CDK13: variants seen among roughly 807,000 people sequenced by gnomAD.
CDK13 encodes cyclin-dependent kinase 13.
Under a neutral mutation model 137.6 loss-of-function variants are expected in CDK13, and 40 were observed. That is an observed-to-expected ratio of 0.29 (90% CI 0.23 to 0.38). CDK13 has a LOEUF of 0.38. Among genes scored for constraint, CDK13 ranks in the 10% least tolerant of loss-of-function variants. The pLI, the probability that CDK13 is intolerant of heterozygous loss-of-function variation, is 1.00. For missense variants in CDK13, 1,704 were observed against 1,951.8 expected, an observed-to-expected ratio of 0.87 and a Z score of 2.39; for synonymous variants, 869 against 760.1, an observed-to-expected ratio of 1.14 and a Z score of -2.36.
chr7:40,085,577 A>T (rs1174892920), intron 11 of CDK13: 1 of 152,594 alleles, frequency 6.6e-6, no homozygotes, highest in Non-Finnish European at 1.5e-5. Flanking sequence ...GTATCCCAAC[A>T]GAGACTGAGA....
intron 1 of CDK13, among the ~76,000 whole-genome samples, chr7:39,974,556 C>CTTTTTTT (rs59844316): frequency 2.3e-4 from 31 of 132,936 alleles, no homozygotes; most frequent in African/African-American, 5.3e-4. Flanking sequence ...TTCTTTTTTT[C>CTTTTTTT]TTTTTTTTTT....
At position 39,951,314 on chromosome 7, in the gene CDK13, G is replaced by T; in HGVS notation, c.673G>T (p.Gly225Cys). 1 of 1,400,224 alleles carries T rather than the reference G, an allele frequency of 7.1e-7. No homozygotes were observed. The highest frequency in any genetic ancestry group is 1.6e-5 in the South Asian group (1 of 63,752). The allele number at this position is 1,400,224 out of a possible 1,614,324, so 86.7% of individuals were successfully genotyped here. ...EHRRRDGQRG[G>C]SEASKSRSRH... ...CCGGCGGCGGGATGGGCAGCGCGGT[G>T]GCAGCGAGGCCTCCAAGTCCCGCAG... is the stretch of plus-strand genomic sequence containing the variant. The change falls in exon 1 of 14, where the codon GGC becomes TGC. Residue 225 changes from glycine (G) to cysteine (C), a missense_variant. By Grantham distance (159) the Gly-to-Cys change is radical. This residue lies in a region of CDK13 where 1,051 missense variants were observed against 931.0 expected (regional missense o/e 1.13). Transcript: ENST00000181839.
intron 5 of CDK13, among the ~76,000 whole-genome samples, chr7:40,041,246 A>T (rs1272527708): frequency 6.6e-6 from 1 of 152,150 alleles, no homozygotes; most frequent in Non-Finnish European, 1.5e-5. Flanking sequence ...GAATCACTTG[A>T]ACCCAGGAGG....
chr7:39,964,157 T>G (rs1368842473), intron 1 of CDK13, among the ~76,000 whole-genome samples: 1 of 152,210 alleles, frequency 6.6e-6, no homozygotes, highest in Non-Finnish European at 1.5e-5. Flanking sequence ...GAGGGTTCCC[T>G]CTTTTTCTAT....
chr7:40,062,641 T>C, intron 7 of CDK13, 185 bp from the exon 8 acceptor site: 1 of 584,936 alleles, frequency 1.7e-6, no homozygotes, highest in South Asian at 2.2e-5. Flanking sequence ...GTTAAACAGG[T>C]TGCCCTCACA....
intron 5 of CDK13, among the ~76,000 whole-genome samples, chr7:40,038,445 A>G (rs1455599825): frequency 3.9e-5 from 6 of 152,208 alleles, no homozygotes; most frequent in African/African-American, 9.7e-5. Flanking sequence ...CTATGCATAC[A>G]TCATTTTGTA....
chr7:40,030,272 T>G (rs143661201), intron 5 of CDK13, among the ~76,000 whole-genome samples: 56,100 of 132,406 alleles, frequency 0.42, 12,075 homozygotes, highest in East Asian at 0.57. Flanking sequence ...TATATATATA[T>G]ATAGAGAGAG....
chr7:40,069,951 A>G (rs1786374187), intron 9 of CDK13: 1 of 151,664 alleles, frequency 6.6e-6, no homozygotes, highest in South Asian at 2.1e-4. Context: ...ACAGTGGCTC[A>G]TGCCTGTAAT....
intron 1 of CDK13, among the ~76,000 whole-genome samples, chr7:39,981,292 C>G (rs1008986733): frequency 1.3e-5 from 2 of 151,866 alleles, no homozygotes; most frequent in Non-Finnish European, 2.9e-5. Context: ...ATCACTTGAC[C>G]CCAGAGGTCA....
intron 1 of CDK13, among the ~76,000 whole-genome samples, chr7:39,971,181 G>C (rs968093597): frequency 2.0e-4 from 30 of 152,146 alleles, no homozygotes; most frequent in African/African-American, 7.2e-4. Flanking sequence ...TTGATAGTAG[G>C]TACCTAGCAA....
intron 5 of CDK13, among the ~76,000 whole-genome samples, chr7:40,036,305 A>G (rs1035598945): frequency 6.6e-6 from 1 of 152,184 alleles, no homozygotes; most frequent in African/African-American, 2.4e-5. Context: ...TTTTATTTAC[A>G]TTTTTAAGAG....
chr7:40,002,083 C>A, intron 5 of CDK13, 52 bp downstream of exon 5: 1 of 1,366,164 alleles, frequency 7.3e-7, no homozygotes, highest in Non-Finnish European at 1.0e-6. Flanking sequence ...ATTGATGTTG[C>A]TAACTTGGAA....
At chr7:40,093,303 A>G (rs1391776314) in intron 13 of CDK13, 66 bp downstream of exon 13, 15 of 1,280,810 alleles carry the variant, frequency 1.2e-5, no homozygotes, top group Admixed American at 2.1e-5. Context: ...GTTGCTGACT[A>G]TATATAATGT....
chr7:40,029,497 G>A lies in CDK13; in HGVS notation c.2354-16339G>A, dbSNP rs985673491. On this transcript the variant is annotated intron_variant, in intron 5 of 13. Coordinates refer to ENST00000181839, the MANE Select transcript of CDK13 (RefSeq NM_003718.5). ...AGCACTTTGGGAGGCTGAGGTGGGC[G>A]GATCACAAGGTCAAGAGATTGAGAT... Among the ~76,000 whole-genome samples, 23 of 151,528 alleles carry A rather than the reference G, an allele frequency of 1.5e-4. No homozygotes were observed. In the Middle Eastern group the frequency reaches 0.014, roughly 90 times the overall value.
chr7:40,040,482 T>C (rs1254544016), intron 5 of CDK13, among the ~76,000 whole-genome samples: 2 of 152,226 alleles, frequency 1.3e-5, no homozygotes, highest in Non-Finnish European at 2.9e-5. Flanking sequence ...CTCTTTCAGG[T>C]GTTACTTTGC....
intron 1 of CDK13, among the ~76,000 whole-genome samples, chr7:39,963,379 T>A (rs1376468385): frequency 1.3e-5 from 2 of 152,214 alleles, no homozygotes; most frequent in Non-Finnish European, 2.9e-5. Flanking sequence ...TTACTCTCTT[T>A]AAAGCAATTG....
intron 2 of CDK13, among the ~76,000 whole-genome samples, chr7:39,994,745 A>G (rs781261185): frequency 3.9e-5 from 6 of 152,162 alleles, no homozygotes; most frequent in South Asian, 2.1e-4. Context: ...AGACTGAGTA[A>G]TATATATCCT....
At chr7:40,055,618 A>G (rs1786000689) in intron 7 of CDK13, among the ~76,000 whole-genome samples, 1 of 146,762 alleles carries the variant, frequency 6.8e-6, no homozygotes, top group Non-Finnish European at 1.5e-5. Flanking sequence ...TTGCTCTGTC[A>G]ACCAGGCTGG....
At chr7:39,957,432 T>G (rs1428968999) in intron 1 of CDK13, among the ~76,000 whole-genome samples, 4 of 152,176 alleles carry the variant, frequency 2.6e-5, no homozygotes, top group South Asian at 4.1e-4. Flanking sequence ...GAGGACAAAT[T>G]ACAGAGCTTA....
Sources: gnomAD v4.1 joint callset for allele counts (sites outside exome capture counted in the v4.1 genomes callset) on GRCh38, gnomAD v4.1.1 for gene constraint, gnomAD v4.1.1 regional missense constraint, MANE v1.5 for transcripts, NCBI Gene and HGNC (gene_info 2026-07-23, HGNC 2026-07-21) for gene names.